The following SUPT3H variants were observed in gnomAD, a reference collection of about 807,000 sequenced individuals.
SUPT3H encodes the protein SPT3 homolog, SAGA and STAGA complex component, also known as transcription initiation protein SPT3 homolog.
In SUPT3H, 44 loss-of-function variants were observed where a neutral mutation model predicts 44.3. That is an observed-to-expected ratio of 0.99 (90% CI 0.78 to 1.28). The LOEUF (loss-of-function observed/expected upper bound fraction) is 1.28, where lower values mean the gene tolerates loss of function less well. Ranked by LOEUF, SUPT3H falls within the 50% of genes most tolerant of loss-of-function variation. SUPT3H has a pLI of 0.00. For missense variants in SUPT3H, 380 were observed against 387.1 expected, an observed-to-expected ratio of 0.98 and a Z score of 0.15; for synonymous variants, 124 against 125.6, an observed-to-expected ratio of 0.99 and a Z score of 0.09.
chr6:44,832,194 A>G (rs1318748757), intron 10 of SUPT3H, among the ~76,000 whole-genome samples: 6 of 152,182 alleles, frequency 3.9e-5, no homozygotes, highest in African/African-American at 1.4e-4. Context: ...TTACAGGAAG[A>G]TGGATGAAGA....
chr6:45,354,549 T>C (rs1792743895), intron 2 of SUPT3H, among the ~76,000 whole-genome samples: 2 of 151,814 alleles, frequency 1.3e-5, no homozygotes, highest in Admixed American at 6.6e-5. Flanking sequence ...TTGTCTCAGT[T>C]TCCTTGGATA....
chr6:45,229,280 T>C (rs1479884741), intron 2 of SUPT3H, among the ~76,000 whole-genome samples: 1 of 152,158 alleles, frequency 6.6e-6, no homozygotes, highest in African/African-American at 2.4e-5. Flanking sequence ...TTGGGACTCA[T>C]TGTATCACAG....
At chr6:44,891,326 G>T (rs535765767) in intron 10 of SUPT3H, among the ~76,000 whole-genome samples, 1 of 151,906 alleles carries the variant, frequency 6.6e-6, no homozygotes, top group Non-Finnish European at 1.5e-5. Flanking sequence ...CAATATTCAC[G>T]GCCACATTAT....
chr6:45,053,422 G>A (rs150573653), intron 3 of SUPT3H, among the ~76,000 whole-genome samples: 199 of 152,020 alleles, frequency 1.3e-3, no homozygotes, highest in African/African-American at 4.6e-3. Context: ...ATACCTGATG[G>A]GGTTCAAGAA....
chr6:45,241,338 G>A (rs985149866), intron 2 of SUPT3H, among the ~76,000 whole-genome samples: 2 of 152,120 alleles, frequency 1.3e-5, no homozygotes, highest in African/African-American at 4.8e-5. Flanking sequence ...TGAGGGCAAG[G>A]AATACCTGGC....
chr6:45,313,728 T>C (rs1784309904), intron 2 of SUPT3H, among the ~76,000 whole-genome samples: 1 of 150,182 alleles, frequency 6.7e-6, no homozygotes, highest in South Asian at 2.1e-4. Context: ...GAAGAACTGG[T>C]ACCAATCCTT....
chr6:45,307,529 G>A (rs1037754355), intron 2 of SUPT3H, among the ~76,000 whole-genome samples: 12 of 152,286 alleles, frequency 7.9e-5, no homozygotes, highest in Middle Eastern at 3.4e-3. Context: ...GAGCTCCAGC[G>A]AACTCCAACA....
intron 3 of SUPT3H, among the ~76,000 whole-genome samples, chr6:45,030,435 T>C (rs1036570026): frequency 1.3e-5 from 2 of 152,218 alleles, no homozygotes; most frequent in Non-Finnish European, 2.9e-5. Context: ...CTGAACGGGT[T>C]GTAGCCCTTA....
intron 2 of SUPT3H, among the ~76,000 whole-genome samples, chr6:45,132,662 C>T (rs1024625781): frequency 1.3e-5 from 2 of 152,074 alleles, no homozygotes; most frequent in African/African-American, 4.8e-5. Context: ...TGCCAGTGCA[C>T]TATGCTTTAG....
intron 2 of SUPT3H, among the ~76,000 whole-genome samples, chr6:45,273,116 G>A (rs1169983234): frequency 6.6e-6 from 1 of 152,202 alleles, no homozygotes; most frequent in African/African-American, 2.4e-5. Context: ...CCATCGGGTG[G>A]AAAGTTTGCT....
intron 3 of SUPT3H, among the ~76,000 whole-genome samples, chr6:45,034,308 C>G (rs1020621653): frequency 6.6e-6 from 1 of 151,906 alleles, no homozygotes; most frequent in Non-Finnish European, 1.5e-5. Flanking sequence ...GCTCCCCAGT[C>G]CCCTCCCACA....
At chr6:45,333,654 T>G (rs1787963555) in intron 2 of SUPT3H, among the ~76,000 whole-genome samples, 1 of 151,392 alleles carries the variant, frequency 6.6e-6, no homozygotes, top group Non-Finnish European at 1.5e-5. Context: ...ACAATCATTT[T>G]TTATATCATT....
intron 10 of SUPT3H, among the ~76,000 whole-genome samples, chr6:44,855,632 A>C (rs538675384): frequency 6.6e-6 from 1 of 151,898 alleles, no homozygotes; most frequent in African/African-American, 2.4e-5. Flanking sequence ...TGTGTAGACG[A>C]TAATGCAGAT....
rs560836793 is a variant in SUPT3H at position 45,077,610 on chromosome 6, G to C, written c.186+28312C>G. On this transcript the variant is annotated intron_variant, in intron 3 of 10. Transcript: ENST00000371459. ...CCACTGCACTCCAGCCTAGGTGACA[G>C]AGTGAGACCTTGTTTCAAAAAAAAA... is the stretch of plus-strand genomic sequence containing the variant. 1.0e-4 allele frequency among the ~76,000 whole-genome samples: 8 copies of C among 77,730 alleles called. No homozygotes were observed. In the South Asian group the frequency reaches 1.5e-3, roughly 14 times the overall value. The allele number at this position is 77,730 out of a possible 152,430, so 51.0% of individuals were successfully genotyped here.
chr6:45,288,347 G>A (rs1779652499), intron 2 of SUPT3H, among the ~76,000 whole-genome samples: 2 of 151,816 alleles, frequency 1.3e-5, no homozygotes, highest in Non-Finnish European at 2.9e-5. Flanking sequence ...ATCAGTAACA[G>A]TGGTTTCCTG....
intron 2 of SUPT3H, among the ~76,000 whole-genome samples, chr6:45,146,612 A>T (rs759482400): frequency 6.6e-6 from 1 of 152,176 alleles, no homozygotes; most frequent in Non-Finnish European, 1.5e-5. Flanking sequence ...TTTCTTACTC[A>T]TCTTTAATAG....
At chr6:44,850,212 T>A (rs1380768676) in intron 10 of SUPT3H, among the ~76,000 whole-genome samples, 1 of 152,160 alleles carries the variant, frequency 6.6e-6, no homozygotes. Context: ...AATAAATGAT[T>A]TAAGGAGGCC....
intron 9 of SUPT3H, among the ~76,000 whole-genome samples, chr6:44,938,423 A>G (rs959783462): frequency 3.3e-5 from 5 of 152,138 alleles, no homozygotes; most frequent in Non-Finnish European, 7.4e-5. Context: ...ACTCTCTTCC[A>G]TTGACCTATG....
chr6:44,864,972 T>C (rs1408878826), intron 10 of SUPT3H, among the ~76,000 whole-genome samples: 1 of 152,200 alleles, frequency 6.6e-6, no homozygotes, highest in Non-Finnish European at 1.5e-5. Context: ...TCTGCTTCCC[T>C]TATAAACCGA....
Sources: allele counts gnomAD v4.1 joint callset (sites outside exome capture counted in the v4.1 genomes callset), GRCh38; gene constraint gnomAD v4.1.1; transcripts MANE v1.5; gene names NCBI Gene and HGNC (gene_info 2026-07-23, HGNC 2026-07-21).